The following NEDD4L variants were observed in gnomAD, a reference collection of about 807,000 sequenced individuals.
NEDD4L encodes NEDD4 like E3 ubiquitin protein ligase.
In NEDD4L, 54 loss-of-function variants were observed where a neutral mutation model predicts 148.9. The observed-to-expected ratio is 0.36, with a 90% CI of 0.29 to 0.45. The LOEUF (loss-of-function observed/expected upper bound fraction) is 0.45, where lower values mean the gene tolerates loss of function less well. Ranked by LOEUF, NEDD4L falls within the 20% of genes least tolerant of loss-of-function variation. The pLI, the probability that NEDD4L is intolerant of heterozygous loss-of-function variation, is 1.00. For missense variants in NEDD4L, 856 were observed against 1,233.8 expected (o/e 0.69, Z 4.59); for synonymous variants, 433 against 440.7 (o/e 0.98, Z 0.22).
intron 1 of NEDD4L, among the ~76,000 whole-genome samples, chr18:58,070,279 T>TTTA (rs2082800394): frequency 6.7e-6 from 1 of 149,752 alleles, no homozygotes; most frequent in African/African-American, 2.5e-5. Context: ...TTATTTATTT[T>TTTA]TTTGAGACAG....
chr18:58,354,920 G>C (rs1438958387), intron 18 of NEDD4L, among the ~76,000 whole-genome samples: 1 of 152,190 alleles, frequency 6.6e-6, no homozygotes, highest in African/African-American at 2.4e-5. Context: ...GTGATCCTAG[G>C]ATGCGTGGAG....
intron 1 of NEDD4L, among the ~76,000 whole-genome samples, chr18:58,163,860 C>T (rs2036522516): frequency 6.6e-6 from 1 of 152,152 alleles, no homozygotes; most frequent in Admixed American, 6.5e-5. Context: ...GATCCACCAT[C>T]CTGTACCCTC....
chr18:58,088,661 A>G (rs1426435344), intron 1 of NEDD4L, among the ~76,000 whole-genome samples: 3 of 152,182 alleles, frequency 2.0e-5, no homozygotes, highest in African/African-American at 7.2e-5. Flanking sequence ...AGCTGGGGAC[A>G]TGGTTTTATT....
rs747072217 is a variant in NEDD4L at position 58,329,054 on chromosome 18, G to T, written c.740G>T (p.Arg247Leu). The T allele has an allele frequency of 1.2e-6, 2 of 1,613,888 alleles. No homozygotes were observed. Among genetic ancestry groups the T allele is most frequent in the Non-Finnish European group, 1.7e-6 (2 of 1,179,890 alleles). Residue 247 changes from arginine to leucine, a missense_variant, in exon 10 of 31, where the codon CGG becomes CTG. Arg to Leu is a moderately radical substitution (Grantham distance 102, BLOSUM62 -2). Around this residue, in one of 4 missense-constraint regions of NEDD4L, gnomAD observed 367 missense variants for 422.7 expected, o/e 0.87. Transcript: ENST00000400345. ...IRQINQEAAHRRFRSRRHISE... is the reference protein window; with the variant it reads ...IRQINQEAAHLRFRSRRHISE... ...CAGATCAACCAGGAGGCAGCACACC[G>T]GCGCTTCCGCTCCCGCAGGCACATC...
At chr18:58,369,152 G>T (rs2046492930) in intron 22 of NEDD4L, among the ~76,000 whole-genome samples, 1 of 152,200 alleles carries the variant, frequency 6.6e-6, no homozygotes, top group African/African-American at 2.4e-5. Flanking sequence ...GACTTGGCTG[G>T]AGGCTCAGGG....
At chr18:58,222,114 A>G (rs551954976) in intron 2 of NEDD4L, among the ~76,000 whole-genome samples, 2 of 152,356 alleles carry the variant, frequency 1.3e-5, no homozygotes, top group South Asian at 2.1e-4. Flanking sequence ...AATGGAAAAC[A>G]GAGACCGCTG....
chr18:58,391,239 C>T (rs554971159), intron 29 of NEDD4L, among the ~76,000 whole-genome samples: 8 of 152,190 alleles, frequency 5.3e-5, no homozygotes, highest in Non-Finnish European at 7.3e-5. Flanking sequence ...TGCCTTTCCA[C>T]GTAACTGTTG....
chr18:58,355,802 CT>C (rs58183149), intron 18 of NEDD4L, among the ~76,000 whole-genome samples: 15,537 of 129,994 alleles, frequency 0.12, 875 homozygotes, highest in African/African-American at 0.18. Context: ...GCTTTGGTAG[CT>C]TTTTTTTTTT....
chr18:58,121,105 T>G (rs2086214248), intron 1 of NEDD4L, among the ~76,000 whole-genome samples: 2 of 152,294 alleles, frequency 1.3e-5, no homozygotes, highest in Admixed American at 1.3e-4. Flanking sequence ...GTCTTCTCTT[T>G]TTTTTGGTGG....
chr18:58,092,818 CA>C (rs56749032), intron 1 of NEDD4L, among the ~76,000 whole-genome samples: 5,347 of 112,482 alleles, frequency 0.048, 251 homozygotes, highest in African/African-American at 0.13. Flanking sequence ...TCCCTGGTAC[CA>C]AAAAAAAAAA....
chr18:58,320,352 C>T (rs1343711480), intron 6 of NEDD4L, among the ~76,000 whole-genome samples: 1 of 152,194 alleles, frequency 6.6e-6, no homozygotes, highest in Non-Finnish European at 1.5e-5. Flanking sequence ...CCGTCTGTTC[C>T]CTGTACCCCA....
intron 2 of NEDD4L, among the ~76,000 whole-genome samples, chr18:58,226,734 C>T (rs150579759): frequency 6.6e-6 from 1 of 152,202 alleles, no homozygotes; most frequent in Non-Finnish European, 1.5e-5. Context: ...AGAGGGTGTA[C>T]AAACCTCTCA....
chr18:58,274,166 G>A (rs2051504009), intron 5 of NEDD4L, among the ~76,000 whole-genome samples: 4 of 152,190 alleles, frequency 2.6e-5, no homozygotes. Context: ...GCAGGTGAGT[G>A]AAGCCATCTT....
Position 58,366,271 on chromosome 18 carries a change from A to G in NEDD4L, c.2063+43A>G. 1 of 1,338,436 alleles carries G rather than the reference A, an allele frequency of 7.5e-7. No homozygotes were observed. Among genetic ancestry groups the G allele is most frequent in the Non-Finnish European group, 1.0e-6 (1 of 975,374 alleles). 82.9% of individuals were successfully genotyped at this position (1,338,436 alleles called of 1,614,324 possible). On this transcript the variant is annotated intron_variant, in intron 21 of 30. Coordinates refer to ENST00000400345, the MANE Select transcript of NEDD4L (RefSeq NM_001144967.3). This position sits in a 1 kb window ranked among gnomAD's most constrained non-coding sequence, Gnocchi z 4.2. ...CCCAGTGTGTGTCCCCCACTGAGAC[A>G]GTTGTATGAATTTAAACAGAATGAA...
chr18:58,248,053 A>G (rs1393978600), intron 3 of NEDD4L, among the ~76,000 whole-genome samples: 4 of 152,202 alleles, frequency 2.6e-5, no homozygotes, highest in Non-Finnish European at 4.4e-5. Flanking sequence ...GATAAATATC[A>G]TTTTGACTAA....
At chr18:58,207,269 G>C (rs2042070760) in intron 2 of NEDD4L, among the ~76,000 whole-genome samples, 1 of 151,808 alleles carries the variant, frequency 6.6e-6, no homozygotes, top group Non-Finnish European at 1.5e-5. Context: ...CCAGAGTGCT[G>C]TGTGGGGATC....
chr18:58,045,407 A>G (rs12956423), intron 1 of NEDD4L: 334,003 of 361,780 alleles, frequency 0.92, 154,495 homozygotes, highest in East Asian at 1. Context: ...CGGCACCTCC[A>G]GGGTGGGTGG....
chr18:58,101,319 CGT>C (rs1156991765), intron 1 of NEDD4L, among the ~76,000 whole-genome samples: 1 of 152,134 alleles, frequency 6.6e-6, no homozygotes, highest in Non-Finnish European at 1.5e-5. Flanking sequence ...GCATATTCAG[CGT>C]GGCCCAGCTG....
rs201484128 is a variant in NEDD4L, at chr18:58,385,630, C to G, written c.2487+44C>G. 2.8e-4 allele frequency: 417 copies of G among 1,501,878 alleles called. 5 individuals are homozygous for G. In the East Asian group the frequency reaches 9.3e-3, roughly 34 times the overall value. 93.0% of individuals were successfully genotyped at this position (1,501,878 alleles called of 1,614,324 possible). ...GGTTCTCTGCCATGTGCCTCTGGTC[C>G]CGGGTCGATGGGGGATCGCGCTTCT... On this transcript the variant is annotated intron_variant, in intron 26 of 30. Coordinates refer to ENST00000400345, the MANE Select transcript of NEDD4L (RefSeq NM_001144967.3).
Sources: gnomAD v4.1 joint callset for allele counts (sites outside exome capture counted in the v4.1 genomes callset) on GRCh38, gnomAD v4.1.1 for gene constraint, gnomAD v4.1.1 regional missense constraint, Gnocchi (gnomAD v3.1) non-coding constraint, MANE v1.5 for transcripts, NCBI Gene and HGNC (gene_info 2026-07-23, HGNC 2026-07-21) for gene names.